The following TMEM38B variants were observed in gnomAD, a reference collection of about 807,000 sequenced individuals.
TMEM38B encodes transmembrane protein 38B.
A neutral mutation model predicts 28.7 loss-of-function variants in TMEM38B; 24 were observed. That is an observed-to-expected ratio of 0.84 (90% CI 0.61 to 1.18). The LOEUF is 1.18. Ranked by LOEUF, TMEM38B falls within the 50% of genes most tolerant of loss-of-function variation. The probability of loss-of-function intolerance (pLI) is 0.00; values close to 1 mark genes in which losing one functional copy is unlikely to be tolerated. For synonymous variants in TMEM38B, 131 were observed against 127.7 expected, an observed-to-expected ratio of 1.03 and a Z score of -0.17; for missense variants, 380 against 350.9, an observed-to-expected ratio of 1.08 and a Z score of -0.66.
intron 2 of TMEM38B, among the ~76,000 whole-genome samples, chr9:105,718,587 C>CAA (rs924942964): frequency 3.9e-5 from 6 of 152,220 alleles, no homozygotes; most frequent in Admixed American, 3.9e-4. Flanking sequence ...TGTTTTTAAA[C>CAA]AAGCAAGCAA....
intron 4 of TMEM38B, among the ~76,000 whole-genome samples, chr9:105,741,459 T>C (rs1410713181): frequency 6.6e-6 from 1 of 152,208 alleles, no homozygotes; most frequent in Non-Finnish European, 1.5e-5. Context: ...TCTTTGATAA[T>C]ACATATATTG....
At chr9:105,757,072 C>T (rs371843562) in intron 5 of TMEM38B, among the ~76,000 whole-genome samples, 1 of 152,222 alleles carries the variant, frequency 6.6e-6, no homozygotes. Context: ...CACCCTTCCC[C>T]CCAAGTCCTC....
intron 5 of TMEM38B, among the ~76,000 whole-genome samples, chr9:105,752,644 G>A (rs923542427): frequency 6.6e-6 from 1 of 152,068 alleles, no homozygotes; most frequent in African/African-American, 2.4e-5. Context: ...AACAAAAAAG[G>A]CCCCACAAAA....
intron 4 of TMEM38B, among the ~76,000 whole-genome samples, chr9:105,734,401 G>T (rs1836889787): frequency 1.3e-5 from 2 of 152,144 alleles, no homozygotes; most frequent in Non-Finnish European, 2.9e-5. Context: ...CACTAGAGAA[G>T]AATGTGTATT....
Position 105,766,160 on chromosome 9 carries a change from A to G in TMEM38B, c.661-7705A>G, listed in dbSNP as rs140208681. Among the ~76,000 whole-genome samples, 1,418 of 152,290 alleles carry G rather than the reference A, an allele frequency of 9.3e-3. 13 individuals are homozygous for G. The highest frequency in any genetic ancestry group is 0.032 in the African/African-American group (1,323 of 41,564). ...AGAATTGCTAGGTCATCTGAAAAGC[A>G]TATGTTTAACTTTTTAAGAAACTGC... On this transcript the variant is annotated intron_variant, in intron 5 of 5. Coordinates refer to ENST00000374692, the MANE Select transcript of TMEM38B (RefSeq NM_018112.3).
intron 4 of TMEM38B, among the ~76,000 whole-genome samples, chr9:105,730,432 G>A (rs1252336478): frequency 2.6e-5 from 4 of 152,086 alleles, no homozygotes; most frequent in African/African-American, 9.7e-5. Context: ...ACTTGATCGT[G>A]GTGGATAAAC....
rs1431837381 is a variant in TMEM38B, at chr9:105,774,039, T to A, written c.835T>A (p.Ser279Thr). Reference protein sequence around the residue: ...SLASKPVDVASDNVKKKHTKK... With the variant: ...SLASKPVDVATDNVKKKHTKK... ...GGCCTCAAAGCCGGTAGATGTTGCC[T>A]CAGATAATGTTAAAAAGAAACATAC... Residue 279 changes from serine to threonine, a missense_variant, in exon 6 of 6, where the codon TCA (serine) becomes ACA (threonine). By Grantham distance (58) the Ser-to-Thr change is moderately conservative. Coordinates refer to ENST00000374692, the MANE Select transcript of TMEM38B (RefSeq NM_018112.3). 3 of 1,613,568 alleles carry A rather than the reference T, an allele frequency of 1.9e-6. No individual in the cohort carries two copies. The highest frequency in any genetic ancestry group is 2.5e-6 in the Non-Finnish European group (3 of 1,179,746).
intron 5 of TMEM38B, among the ~76,000 whole-genome samples, chr9:105,766,495 G>A (rs1249951312): frequency 6.6e-6 from 1 of 152,106 alleles, no homozygotes; most frequent in Admixed American, 6.5e-5. Context: ...TATTCAGGAT[G>A]TCAATCCTTG....
intron 4 of TMEM38B, among the ~76,000 whole-genome samples, chr9:105,746,758 A>G (rs1318018957): frequency 2.6e-5 from 4 of 152,158 alleles, no homozygotes; most frequent in East Asian, 1.9e-4. Context: ...TCCCATCAGT[A>G]CCTAATTTAT....
intron 4 of TMEM38B, among the ~76,000 whole-genome samples, chr9:105,726,107 C>G (rs1360502840): frequency 1.3e-5 from 2 of 152,084 alleles, no homozygotes; most frequent in Non-Finnish European, 2.9e-5. Flanking sequence ...TCCATCACTT[C>G]AAGCATTTAT....
chr9:105,770,653 G>A (rs1336287083), intron 5 of TMEM38B, among the ~76,000 whole-genome samples: 1 of 152,104 alleles, frequency 6.6e-6, no homozygotes, highest in African/African-American at 2.4e-5. Flanking sequence ...AAAGCATAGA[G>A]TGATCAGAAA....
At chr9:105,772,855 T>C (rs1040089038) in intron 5 of TMEM38B, among the ~76,000 whole-genome samples, 1 of 152,180 alleles carries the variant, frequency 6.6e-6, no homozygotes, top group Non-Finnish European at 1.5e-5. Flanking sequence ...TTTTTCACTT[T>C]TTCTTTTCTA....
intron 1 of TMEM38B, chr9:105,702,860 G>A (rs1249773214): frequency 6.6e-6 from 1 of 151,856 alleles, no homozygotes; most frequent in African/African-American, 2.4e-5. Flanking sequence ...TTTATATTTT[G>A]TGGAGATGGG....
In TMEM38B at chr9:105,721,541, A is replaced by C. The variant is rs777964172; in HGVS notation, c.274A>C (p.Ile92Leu). The C allele has an allele frequency of 6.3e-7, 1 of 1,592,470 alleles. No individual in the cohort carries two copies. Residue 92 changes from isoleucine (I) to leucine (L), a missense_variant, in exon 3 of 6, where the codon ATT becomes CTT. By Grantham distance (5) the Ile-to-Leu change is conservative. Transcript: ENST00000374692. ...ATGTTTACATTTCATTTTCAGGTAT[A>C]TTACATTTTTTTGCCCGCATGACCT... is the stretch of plus-strand genomic sequence containing the variant. The part of the protein sequence containing the change: ...NILLASSIWY[I>L]TFFCPHDLVS...
intron 1 of TMEM38B, among the ~76,000 whole-genome samples, chr9:105,703,082 A>T (rs1428889570): frequency 6.6e-6 from 1 of 152,232 alleles, no homozygotes; most frequent in African/African-American, 2.4e-5. Context: ...AAATGTTGCT[A>T]AGAATTTTGG....
intron 5 of TMEM38B, among the ~76,000 whole-genome samples, chr9:105,765,183 A>G (rs1826325610): frequency 6.6e-6 from 1 of 152,182 alleles, no homozygotes; most frequent in South Asian, 2.1e-4. Flanking sequence ...GATTTGTAAA[A>G]TGTGGATTAT....
chr9:105,750,612 TCAAAAAA>T (rs202044809), intron 5 of TMEM38B, among the ~76,000 whole-genome samples: 4 of 134,970 alleles, frequency 3.0e-5, no homozygotes, highest in African/African-American at 1.3e-4. Flanking sequence ...AGACTCTGTC[TCAAAAAA>T]CAAAAAACAA....
chr9:105,754,514 G>T (rs757297658), intron 5 of TMEM38B, among the ~76,000 whole-genome samples: 15 of 152,188 alleles, frequency 9.9e-5, no homozygotes, highest in Non-Finnish European at 1.3e-4. Flanking sequence ...TGAACAACCT[G>T]CTCCTGAACG....
chr9:105,737,155 A>G (rs1304420207), intron 4 of TMEM38B, among the ~76,000 whole-genome samples: 1 of 152,138 alleles, frequency 6.6e-6, no homozygotes, highest in Non-Finnish European at 1.5e-5. Context: ...TGGGCTACAC[A>G]TTTACTCTAT....
Sources: allele counts gnomAD v4.1 joint callset (sites outside exome capture counted in the v4.1 genomes callset), GRCh38; gene constraint gnomAD v4.1.1; transcripts MANE v1.5; gene names NCBI Gene and HGNC (gene_info 2026-07-23, HGNC 2026-07-21).